ARHGAP24: variants seen among roughly 807,000 people sequenced by gnomAD.
ARHGAP24 encodes the protein Rho GTPase activating protein 24, also known as rho GTPase-activating protein 24.
ARHGAP24 carries 50 observed loss-of-function variants against 76.4 expected under a neutral mutation model. The observed-to-expected ratio is 0.65, with a 90% CI of 0.52 to 0.83. ARHGAP24 has a LOEUF of 0.83. Among genes scored for constraint, ARHGAP24 ranks in the 40% least tolerant of loss-of-function variants. The pLI is 0.00. For missense variants in ARHGAP24, 930 were observed against 914.2 expected (o/e 1.02, Z -0.22); for synonymous variants, 345 against 323.3 (o/e 1.07, Z -0.72).
chr4:85,770,548 C>A (rs1038317179), intron 3 of ARHGAP24, among the ~76,000 whole-genome samples: 2 of 152,174 alleles, frequency 1.3e-5, no homozygotes, highest in Non-Finnish European at 2.9e-5. Flanking sequence ...TCCTCTCAAT[C>A]CTCAAAGATG....
intron 2 of ARHGAP24, among the ~76,000 whole-genome samples, chr4:85,627,851 T>C (rs1288906726): frequency 3.3e-5 from 5 of 152,154 alleles, no homozygotes; most frequent in African/African-American, 1.2e-4. Flanking sequence ...TGAGTGAGAC[T>C]CCGTGGGCGT....
At chr4:85,535,072 T>C (rs7435329) in intron 1 of ARHGAP24, among the ~76,000 whole-genome samples, 11,894 of 152,220 alleles carry the variant, frequency 0.078, 1,546 homozygotes, top group African/African-American at 0.27. Flanking sequence ...ACTCAAACTC[T>C]AAATATGTTA....
chr4:85,765,540 ATAG>A (rs1402544009), intron 3 of ARHGAP24, among the ~76,000 whole-genome samples: 1 of 152,142 alleles, frequency 6.6e-6, no homozygotes, highest in Non-Finnish European at 1.5e-5. Flanking sequence ...TCCAAGCATG[ATAG>A]TAGTTTAAAT....
rs1489522651 is a variant in ARHGAP24, at chr4:85,706,403, CATA to C, written c.181-15477_181-15475del. ...ATCTTGCTTACTAAAACTCATCTGTCATAATAAGAAATTTTAATATAGAGTCCA... is the reference window on the plus strand; with the variant it reads ...ATCTTGCTTACTAAAACTCATCTGTCATAAGAAATTTTAATATAGAGTCCA... On this transcript the variant is annotated intron_variant, in intron 2 of 9. Transcript: ENST00000395184. Among the ~76,000 whole-genome samples the C allele has an allele frequency of 4.6e-5, 7 of 152,118 alleles. No homozygotes were observed. The South Asian group carries it at 6.2e-4, about 14-fold the overall frequency.
chr4:85,818,446 T>A (rs977323894), intron 3 of ARHGAP24, among the ~76,000 whole-genome samples: 1 of 152,174 alleles, frequency 6.6e-6, no homozygotes, highest in Non-Finnish European at 1.5e-5. Flanking sequence ...ATAATTAGTG[T>A]TTTTTTCTTC....
chr4:85,978,436 G>A (rs915576629), intron 8 of ARHGAP24, among the ~76,000 whole-genome samples: 1 of 151,874 alleles, frequency 6.6e-6, no homozygotes, highest in African/African-American at 2.4e-5. Flanking sequence ...CATTTTTTTA[G>A]ATCTTACGTG....
At chr4:85,594,194 T>C (rs930161814) in intron 2 of ARHGAP24, among the ~76,000 whole-genome samples, 8 of 152,028 alleles carry the variant, frequency 5.3e-5, no homozygotes, top group African/African-American at 1.4e-4. Flanking sequence ...TCATAGGTAT[T>C]TTATTTTATT....
chr4:85,999,486 T>A (rs1244962400), intron 9 of ARHGAP24, among the ~76,000 whole-genome samples: 1 of 152,176 alleles, frequency 6.6e-6, no homozygotes, highest in Non-Finnish European at 1.5e-5. Context: ...GATTTTAATT[T>A]AAAAACTGTT....
intron 1 of ARHGAP24, among the ~76,000 whole-genome samples, chr4:85,513,149 T>C (rs368937025): frequency 2.6e-4 from 39 of 152,204 alleles, no homozygotes; most frequent in Admixed American, 1.1e-3. Context: ...CACAGAAACA[T>C]CTCCATCAGG....
At chr4:85,546,597 A>C (rs901464535) in intron 1 of ARHGAP24, among the ~76,000 whole-genome samples, 4 of 152,202 alleles carry the variant, frequency 2.6e-5, no homozygotes, top group African/African-American at 9.7e-5. Context: ...CAAAGCACTA[A>C]GGCCAAGAAA....
At position 85,876,417 on chromosome 4, in the gene ARHGAP24, T is replaced by A. The variant is rs543328753; in HGVS notation, c.269-47231T>A. Among the ~76,000 whole-genome samples, 129 of 152,272 alleles carry A rather than the reference T, an allele frequency of 8.5e-4. 1 individual carries two copies. In the South Asian group the frequency reaches 0.026, roughly 31 times the overall value. On this transcript the variant is annotated intron_variant, in intron 3 of 9. Coordinates refer to ENST00000395184, the MANE Select transcript of ARHGAP24 (RefSeq NM_001025616.3). ...GCTAGTTTCTTAAAATTGAATGCTA[T>A]AACCCGTTACCGAGCCAGCTGCCCA...
intron 1 of ARHGAP24, among the ~76,000 whole-genome samples, chr4:85,564,320 G>T (rs190268145): frequency 2.0e-5 from 3 of 150,760 alleles, no homozygotes; most frequent in Non-Finnish European, 4.4e-5. Flanking sequence ...GTATGTTCTC[G>T]CTCATAGGTG....
intron 2 of ARHGAP24, among the ~76,000 whole-genome samples, chr4:85,651,952 G>A (rs781293630): frequency 1.8e-4 from 27 of 152,140 alleles, no homozygotes; most frequent in Non-Finnish European, 2.5e-4. Flanking sequence ...TTTTGATAGC[G>A]AACAATTTAA....
intron 2 of ARHGAP24, among the ~76,000 whole-genome samples, chr4:85,636,117 C>T (rs1721298976): frequency 6.6e-6 from 1 of 151,880 alleles, no homozygotes; most frequent in East Asian, 1.9e-4. Flanking sequence ...TCCTTGATTT[C>T]CTGCCTCATG....
At chr4:85,580,114 G>C (rs572091852) in intron 2 of ARHGAP24, among the ~76,000 whole-genome samples, 14 of 151,886 alleles carry the variant, frequency 9.2e-5, no homozygotes, top group Non-Finnish European at 1.9e-4. Flanking sequence ...TCCACACCCT[G>C]TGTATGTGTT....
intron 2 of ARHGAP24, among the ~76,000 whole-genome samples, chr4:85,592,652 T>C (rs1178480546): frequency 1.3e-5 from 2 of 152,190 alleles, no homozygotes; most frequent in African/African-American, 4.8e-5. Flanking sequence ...CCCCAGTCTC[T>C]AGTAACCAGT....
At chr4:85,592,879 C>T (rs992232351) in intron 2 of ARHGAP24, among the ~76,000 whole-genome samples, 1 of 152,134 alleles carries the variant, frequency 6.6e-6, no homozygotes, top group Non-Finnish European at 1.5e-5. Flanking sequence ...TTTATCTATT[C>T]AACTGTTGAT....
intron 3 of ARHGAP24, among the ~76,000 whole-genome samples, chr4:85,842,188 G>GC (rs577567002): frequency 7.4e-4 from 112 of 152,070 alleles, no homozygotes; most frequent in African/African-American, 2.0e-3. Context: ...TGTATTCTTT[G>GC]CCCCCCCGGC....
At chr4:85,606,097 T>A (rs138768554) in intron 2 of ARHGAP24, among the ~76,000 whole-genome samples, 16 of 152,300 alleles carry the variant, frequency 1.1e-4, no homozygotes, top group African/African-American at 3.8e-4. Context: ...TTCTCAGTTA[T>A]TCAGATTCAG....
Sources: gnomAD v4.1 joint callset for allele counts (sites outside exome capture counted in the v4.1 genomes callset) on GRCh38, gnomAD v4.1.1 for gene constraint, MANE v1.5 for transcripts, NCBI Gene and HGNC (gene_info 2026-07-23, HGNC 2026-07-21) for gene names.